The following DYM variants were observed in gnomAD, a reference collection of about 807,000 sequenced individuals.
DYM encodes the protein dymeclin.
In DYM, 78 loss-of-function variants were observed where a neutral mutation model predicts 93.1. The observed-to-expected ratio is 0.84, with a 90% CI of 0.70 to 1.01. The LOEUF (loss-of-function observed/expected upper bound fraction) is 1.01, where lower values mean the gene tolerates loss of function less well. Ranked by LOEUF, DYM falls within the 50% of genes least tolerant of loss-of-function variation. The pLI is 0.00. For missense variants in DYM, 789 were observed against 845.0 expected (o/e 0.93, Z 0.82); for synonymous variants, 321 against 319.7 (o/e 1.00, Z -0.04).
chr18:49,046,552 C>T (rs1181302242), intron 17 of DYM, among the ~76,000 whole-genome samples: 1 of 144,486 alleles, frequency 6.9e-6, no homozygotes, highest in Non-Finnish European at 1.5e-5. Flanking sequence ...ACACAACACA[C>T]ACAGACACAC....
intron 5 of DYM, among the ~76,000 whole-genome samples, chr18:49,366,176 G>T (rs928495625): frequency 2.6e-5 from 4 of 152,102 alleles, no homozygotes; most frequent in Non-Finnish European, 5.9e-5. Flanking sequence ...AGATTTGACT[G>T]CTTACTAGGT....
At chr18:49,457,593 T>A (rs890363949) in intron 1 of DYM, among the ~76,000 whole-genome samples, 1 of 152,200 alleles carries the variant, frequency 6.6e-6, no homozygotes, top group African/African-American at 2.4e-5. Flanking sequence ...TCTCGTTGCA[T>A]GTACAGCAGC....
chr18:49,178,692 A>G (rs1162602882), intron 14 of DYM, among the ~76,000 whole-genome samples: 1 of 152,150 alleles, frequency 6.6e-6, no homozygotes, highest in Non-Finnish European at 1.5e-5. Flanking sequence ...AGAGAAAATA[A>G]ACGATAGTAA....
chr18:49,056,995 A>G (rs771280706), intron 17 of DYM, among the ~76,000 whole-genome samples: 17 of 152,330 alleles, frequency 1.1e-4, no homozygotes, highest in East Asian at 1.9e-4. Flanking sequence ...GCCTGGGCCA[A>G]TTCCTGCTTT....
At chr18:49,348,926 C>T (rs1443678605) in intron 6 of DYM, among the ~76,000 whole-genome samples, 4 of 135,322 alleles carry the variant, frequency 3.0e-5, no homozygotes, top group Non-Finnish European at 4.8e-5. Flanking sequence ...AAAAAAACCA[C>T]ACCAGATGCA....
chr18:49,329,137 A>G (rs1259067212), intron 8 of DYM, among the ~76,000 whole-genome samples: 2 of 152,100 alleles, frequency 1.3e-5, no homozygotes, highest in Non-Finnish European at 2.9e-5. Context: ...CTTTGCAGGG[A>G]CATGGATGAA....
intron 6 of DYM, among the ~76,000 whole-genome samples, chr18:49,362,357 A>G (rs1034789493): frequency 1.2e-4 from 18 of 152,164 alleles, no homozygotes; most frequent in African/African-American, 4.3e-4. Context: ...AAAGCAACAA[A>G]TGAGATGAAC....
At chr18:49,272,846 C>G (rs1265312101) in intron 10 of DYM, among the ~76,000 whole-genome samples, 1 of 152,020 alleles carries the variant, frequency 6.6e-6, no homozygotes, top group Non-Finnish European at 1.5e-5. Context: ...TTTCATAATG[C>G]TGTTTACCAT....
At chr18:49,388,976 AT>A (rs1466531377) in intron 3 of DYM, among the ~76,000 whole-genome samples, 1 of 151,262 alleles carries the variant, frequency 6.6e-6, no homozygotes, top group Non-Finnish European at 1.5e-5. Context: ...ACTTAAAAAA[AT>A]TTTTTTTTCA....
intron 12 of DYM, among the ~76,000 whole-genome samples, chr18:49,257,996 C>G (rs2094421736): frequency 6.6e-6 from 1 of 152,150 alleles, no homozygotes; most frequent in South Asian, 2.1e-4. Context: ...TTCTTTTACT[C>G]TTTAAAATAT....
At chr18:49,235,988 C>T (rs1418434627) in intron 13 of DYM, among the ~76,000 whole-genome samples, 1 of 152,156 alleles carries the variant, frequency 6.6e-6, no homozygotes, top group African/African-American at 2.4e-5. Flanking sequence ...TCTAGCTACA[C>T]AAGGAGTACA....
chr18:49,306,592 A>C lies in DYM; in HGVS notation c.764-19976T>G, dbSNP rs2061289610. Among the ~76,000 whole-genome samples the C allele has an allele frequency of 5.4e-5, 8 of 149,110 alleles. 1 individual carries two copies. In the Admixed American group the frequency reaches 5.4e-4, roughly 10 times the overall value. ...AACAGGCATGTGATTACACCTTTTC[A>C]GTAATAAACATGGATATATTTACCA... On this transcript the variant is annotated intron_variant, in intron 8 of 17. Transcript: ENST00000675505.
At chr18:49,437,849 T>C (rs887324474) in intron 1 of DYM, among the ~76,000 whole-genome samples, 7 of 152,220 alleles carry the variant, frequency 4.6e-5, no homozygotes, top group Admixed American at 3.3e-4. Context: ...TATGACTGTT[T>C]TCTATTGGTT....
intron 14 of DYM, among the ~76,000 whole-genome samples, chr18:49,198,257 A>T (rs1034711443): frequency 3.3e-5 from 5 of 152,230 alleles, no homozygotes; most frequent in African/African-American, 9.6e-5. Flanking sequence ...CTTAGATGTT[A>T]GACCTAAAAC....
intron 2 of DYM, among the ~76,000 whole-genome samples, chr18:49,403,132 C>T (rs1468654239): frequency 6.6e-6 from 1 of 151,498 alleles, no homozygotes; most frequent in East Asian, 1.9e-4. Flanking sequence ...TTTATTTATC[C>T]CTTAATACAC....
At chr18:49,345,793 C>T (rs2147083345) in intron 6 of DYM, among the ~76,000 whole-genome samples, 1 of 152,130 alleles carries the variant, frequency 6.6e-6, no homozygotes, top group Admixed American at 6.5e-5. Context: ...GCAAGTAAGT[C>T]AACAGGCAAA....
chr18:49,217,579 A>G (rs1254688962), intron 13 of DYM, among the ~76,000 whole-genome samples: 1 of 152,248 alleles, frequency 6.6e-6, no homozygotes, highest in African/African-American at 2.4e-5. Flanking sequence ...CACAAGCCAG[A>G]AGAGAGTGGG....
chr18:49,457,349 A>G (rs1258019949), intron 1 of DYM, among the ~76,000 whole-genome samples: 2 of 152,192 alleles, frequency 1.3e-5, no homozygotes, highest in Admixed American at 6.5e-5. Flanking sequence ...GATTACACAT[A>G]TATACTATGT....
At chr18:49,167,442 CAG>C (rs1189467690) in intron 14 of DYM, among the ~76,000 whole-genome samples, 9 of 152,218 alleles carry the variant, frequency 5.9e-5, no homozygotes, top group Admixed American at 2.0e-4. Context: ...CGAAGAGAAA[CAG>C]AGAATTCACA....
Sources: allele counts gnomAD v4.1 joint callset (sites outside exome capture counted in the v4.1 genomes callset), GRCh38; gene constraint gnomAD v4.1.1; transcripts MANE v1.5; gene names NCBI Gene and HGNC (gene_info 2026-07-23, HGNC 2026-07-21).